CACNA2D1: variants seen among roughly 807,000 people sequenced by gnomAD.
CACNA2D1 encodes calcium voltage-gated channel auxiliary subunit alpha2delta 1, also known as voltage-dependent calcium channel subunit alpha-2/delta-1.
CACNA2D1 carries 53 observed loss-of-function variants against 171.5 expected under a neutral mutation model. That is an observed-to-expected ratio of 0.31 (90% CI 0.25 to 0.39). CACNA2D1 has a LOEUF of 0.39. Ranked by LOEUF, CACNA2D1 falls within the 10% of genes least tolerant of loss-of-function variation. CACNA2D1 has a pLI of 1.00. For missense variants in CACNA2D1, 903 were observed against 1,299.8 expected, an observed-to-expected ratio of 0.69 and a Z score of 4.69; for synonymous variants, 442 against 443.1, an observed-to-expected ratio of 1.00 and a Z score of 0.03.
At chr7:82,383,552 T>C (rs2129449638) in intron 1 of CACNA2D1, among the ~76,000 whole-genome samples, 1 of 152,328 alleles carries the variant, frequency 6.6e-6, no homozygotes, top group African/African-American at 2.4e-5. Flanking sequence ...AAATGGACAG[T>C]ACCCTTGGTC....
chr7:82,100,124 T>A (rs1304012858), intron 6 of CACNA2D1, among the ~76,000 whole-genome samples: 1 of 152,118 alleles, frequency 6.6e-6, no homozygotes, highest in Non-Finnish European at 1.5e-5. Context: ...ATCTACACAC[T>A]GCAAAAACCT....
intron 3 of CACNA2D1, among the ~76,000 whole-genome samples, chr7:82,291,114 A>T (rs1811480879): frequency 7.7e-6 from 1 of 129,640 alleles, no homozygotes; most frequent in Non-Finnish European, 1.7e-5. Context: ...CCCATCCCCT[A>T]CTATCTGGGA....
chr7:82,242,115 T>C (rs1804377107), intron 3 of CACNA2D1, among the ~76,000 whole-genome samples: 1 of 152,100 alleles, frequency 6.6e-6, no homozygotes, highest in South Asian at 2.1e-4. Context: ...TGAAAATGCC[T>C]AATGGCATAC....
rs866002221 is a variant in CACNA2D1, at chr7:82,060,202, T to A, written c.879+226A>T. Among the ~76,000 whole-genome samples the A allele has an allele frequency of 5.6e-3, 55 of 9,868 alleles. 6 individuals are homozygous for A. The highest frequency in any genetic ancestry group is 0.043 in the South Asian group (6 of 140). 6.5% of individuals were successfully genotyped at this position (9,868 alleles called of 152,430 possible). ...TAATATATATATATTATATATATAT[T>A]ATATATATAATATATATATAATATA... On this transcript the variant is annotated intron_variant, in intron 10 of 38. Coordinates refer to ENST00000356860, the MANE Select transcript of CACNA2D1 (RefSeq NM_000722.4).
At chr7:82,059,308 A>G (rs1806316826) in intron 10 of CACNA2D1, among the ~76,000 whole-genome samples, 1 of 152,028 alleles carries the variant, frequency 6.6e-6, no homozygotes, top group Admixed American at 6.6e-5. Flanking sequence ...GTCTTATTTC[A>G]TTTGCTTCAT....
chr7:82,384,999 A>G (rs2129449834), intron 1 of CACNA2D1, among the ~76,000 whole-genome samples: 1 of 152,334 alleles, frequency 6.6e-6, no homozygotes, highest in East Asian at 1.9e-4. Context: ...ACTGAAACAC[A>G]GGCCTAATAT....
chr7:82,321,806 A>C (rs1815930771), intron 3 of CACNA2D1, among the ~76,000 whole-genome samples: 1 of 152,154 alleles, frequency 6.6e-6, no homozygotes, highest in Non-Finnish European at 1.5e-5. Flanking sequence ...AGACAAGGAC[A>C]CAGATGTTAG....
rs1406116022 is a variant in CACNA2D1 at position 82,096,778 on chromosome 7, TAGAA to T, written c.527-11882_527-11879del. 7.9e-5 allele frequency among the ~76,000 whole-genome samples: 12 copies of T among 151,690 alleles called. No homozygotes were observed. The Admixed American group carries it at 7.9e-4, about 10-fold the overall frequency. ...ATTTTTTACTGTAATTGATATATCC[TAGAA>T]AGAAAAAGGTCTAACTCCAGCATCA... On this transcript the variant is annotated intron_variant, in intron 6 of 38. Transcript: ENST00000356860.
intron 1 of CACNA2D1, among the ~76,000 whole-genome samples, chr7:82,393,980 G>A (rs1825495881): frequency 6.6e-6 from 1 of 152,096 alleles, no homozygotes; most frequent in Admixed American, 6.5e-5. Flanking sequence ...GTGAGAAGAG[G>A]CAAAGAAAAA....
At chr7:82,245,573 T>C (rs1804807772) in intron 3 of CACNA2D1, among the ~76,000 whole-genome samples, 2 of 152,042 alleles carry the variant, frequency 1.3e-5, no homozygotes, top group South Asian at 4.2e-4. Context: ...CAAATTTTCC[T>C]AGAAGACTTT....
intron 3 of CACNA2D1, among the ~76,000 whole-genome samples, chr7:82,240,695 G>A (rs1340620680): frequency 6.6e-6 from 1 of 152,114 alleles, no homozygotes. Context: ...AGGCACGGTG[G>A]CTCATGCCTG....
At chr7:82,158,469 C>T (rs1182170712) in intron 4 of CACNA2D1, among the ~76,000 whole-genome samples, 1 of 44,402 alleles carries the variant, frequency 2.3e-5, no homozygotes, top group Non-Finnish European at 4.4e-5. Context: ...GAAATGGAAA[C>T]CAAGTTAAAA....
intron 3 of CACNA2D1, among the ~76,000 whole-genome samples, chr7:82,332,683 T>A (rs544696927): frequency 6.6e-6 from 1 of 152,160 alleles, no homozygotes; most frequent in South Asian, 2.1e-4. Context: ...TAAATATCCA[T>A]AAATGTACTG....
chr7:81,975,657 T>C (rs1252251671), intron 24 of CACNA2D1, among the ~76,000 whole-genome samples: 1 of 152,198 alleles, frequency 6.6e-6, no homozygotes, highest in African/African-American at 2.4e-5. Context: ...TTTAAATGAA[T>C]CTTTTAAGCA....
At chr7:82,256,473 C>T (rs924108673) in intron 3 of CACNA2D1, among the ~76,000 whole-genome samples, 1 of 151,936 alleles carries the variant, frequency 6.6e-6, no homozygotes, top group African/African-American at 2.4e-5. Flanking sequence ...TTCTAAAAAT[C>T]ACATTAAGTT....
intron 15 of CACNA2D1, 44 bp downstream of exon 15, chr7:82,012,110 G>C: frequency 9.0e-7 from 1 of 1,104,978 alleles, no homozygotes; most frequent in Non-Finnish European, 1.4e-6. Flanking sequence ...TCATCTGTGT[G>C]CTTTTGTTAT....
intron 3 of CACNA2D1, among the ~76,000 whole-genome samples, chr7:82,269,156 C>T (rs1272603818): frequency 6.6e-6 from 1 of 152,134 alleles, no homozygotes. Flanking sequence ...AGAACTGTTT[C>T]CCTTTAAGCT....
intron 5 of CACNA2D1, among the ~76,000 whole-genome samples, chr7:82,129,062 T>A (rs1401483101): frequency 6.6e-6 from 1 of 152,160 alleles, no homozygotes; most frequent in Admixed American, 6.5e-5. Flanking sequence ...TTACTATATA[T>A]GTAACTTCAC....
intron 5 of CACNA2D1, among the ~76,000 whole-genome samples, chr7:82,117,784 T>C (rs1405399878): frequency 6.0e-5 from 9 of 150,306 alleles, no homozygotes; most frequent in Admixed American, 4.0e-4. Context: ...CTGCCTCAAA[T>C]AAATAAACAA....
Sources: gnomAD v4.1 joint callset for allele counts (sites outside exome capture counted in the v4.1 genomes callset) on GRCh38, gnomAD v4.1.1 for gene constraint, MANE v1.5 for transcripts, NCBI Gene and HGNC (gene_info 2026-07-23, HGNC 2026-07-21) for gene names.